ANKRD12: variants seen among roughly 807,000 people sequenced by gnomAD.
The protein encoded by ANKRD12 is ankyrin repeat domain-containing protein 12.
A neutral mutation model predicts 183.4 loss-of-function variants in ANKRD12; 85 were observed. The observed-to-expected ratio is 0.46, with a 90% confidence interval of 0.39 to 0.56. The LOEUF (loss-of-function observed/expected upper bound fraction) is 0.56. ANKRD12 is among the 20% of genes least tolerant of loss of function. ANKRD12 has a pLI of 0.00. For missense variants in ANKRD12, 2,405 were observed against 2,357.1 expected (o/e 1.02, Z -0.42); for synonymous variants, 914 against 800.2 (o/e 1.14, Z -2.40).
At chr18:9,183,944 T>C (rs1409578363) in intron 2 of ANKRD12, among the ~76,000 whole-genome samples, 1 of 152,204 alleles carries the variant, frequency 6.6e-6, no homozygotes, top group East Asian at 1.9e-4. Context: ...ATTTCTCTAA[T>C]TTTTTTAAAC....
chr18:9,222,050 T>C, intron 8 of ANKRD12, 51 bp downstream of exon 8: 1 of 1,591,032 alleles, frequency 6.3e-7, no homozygotes, highest in Non-Finnish European at 8.6e-7. Context: ...TGATATTTGA[T>C]AGAACATTCT....
chr18:9,275,722 C>A, intron 11 of ANKRD12, 55 bp downstream of exon 11: 1 of 1,421,332 alleles, frequency 7.0e-7, no homozygotes. Flanking sequence ...TGCAACTTGG[C>A]TATTTTTAGA....
intron 11 of ANKRD12, among the ~76,000 whole-genome samples, chr18:9,277,232 G>T (rs2039883734): frequency 6.6e-6 from 1 of 151,826 alleles, no homozygotes. Context: ...AAGGTGGGAG[G>T]ATCGATTAAG....
rs544293620 is a variant in ANKRD12, at chr18:9,176,919, C to T, written c.-51-5463C>T. Among the ~76,000 whole-genome samples the T allele has an allele frequency of 7.9e-5, 12 of 152,140 alleles. No individual in the cohort carries two copies. In the East Asian group the frequency reaches 2.3e-3, roughly 29 times the overall value. ...GCTGTAAATTAGAGTGGAAAACTGT[C>T]TTATAGCATACATTTAGAGAATGTT... On this transcript the variant is annotated intron_variant, in intron 1 of 12. Coordinates refer to ENST00000262126, the MANE Select transcript of ANKRD12 (RefSeq NM_015208.5).
chr18:9,184,715 G>T (rs1487006025), intron 2 of ANKRD12, among the ~76,000 whole-genome samples: 1 of 152,054 alleles, frequency 6.6e-6, no homozygotes, highest in Non-Finnish European at 1.5e-5. Flanking sequence ...GATATAATTC[G>T]CATGCCATAC....
intron 1 of ANKRD12, among the ~76,000 whole-genome samples, chr18:9,180,442 A>G (rs565629379): frequency 6.7e-4 from 101 of 151,872 alleles, no homozygotes; most frequent in African/African-American, 2.3e-3. Flanking sequence ...GTTTTATATT[A>G]TTATTAATAT....
At chr18:9,277,722 AGAC>A (rs2039921140) in intron 11 of ANKRD12, among the ~76,000 whole-genome samples, 2 of 132,256 alleles carry the variant, frequency 1.5e-5, no homozygotes, top group Non-Finnish European at 3.4e-5. Flanking sequence ...GGAAACTGTT[AGAC>A]AAAAACATTA....
chr18:9,165,038 C>T (rs1445298674), intron 1 of ANKRD12, among the ~76,000 whole-genome samples: 2 of 152,112 alleles, frequency 1.3e-5, no homozygotes, highest in Non-Finnish European at 2.9e-5. Context: ...GTCTAAGTCT[C>T]TTTGTAGGTC....
intron 4 of ANKRD12, among the ~76,000 whole-genome samples, chr18:9,207,689 A>ATT (rs1472872744): frequency 6.6e-6 from 1 of 152,044 alleles, no homozygotes; most frequent in Non-Finnish European, 1.5e-5. Context: ...ATTTTTGAAT[A>ATT]TTCTTTATTT....
At chr18:9,244,014 A>G (rs1474714914) in intron 8 of ANKRD12, among the ~76,000 whole-genome samples, 1 of 152,036 alleles carries the variant, frequency 6.6e-6, no homozygotes. Context: ...GGCTACTATA[A>G]TCTCAGCTAC....
At chr18:9,269,075 A>G (rs963834145) in intron 10 of ANKRD12, among the ~76,000 whole-genome samples, 75 of 152,316 alleles carry the variant, frequency 4.9e-4, no homozygotes, top group Non-Finnish European at 8.8e-4. Context: ...GATGTGAAGG[A>G]CCTCTTCAAG....
At chr18:9,274,234 A>G (rs573616302) in intron 10 of ANKRD12, among the ~76,000 whole-genome samples, 1 of 152,340 alleles carries the variant, frequency 6.6e-6, no homozygotes, top group African/African-American at 2.4e-5. Context: ...GCTCAAAATA[A>G]TGTTTATGCC....
At chr18:9,223,687 C>G (rs1002768280) in intron 8 of ANKRD12, among the ~76,000 whole-genome samples, 2 of 151,912 alleles carry the variant, frequency 1.3e-5, no homozygotes, top group Admixed American at 6.6e-5. Flanking sequence ...CACTAGATAA[C>G]ACTGTCAAAA....
intron 6 of ANKRD12, among the ~76,000 whole-genome samples, chr18:9,215,494 G>A (rs1310161478): frequency 2.0e-5 from 3 of 151,998 alleles, no homozygotes; most frequent in Non-Finnish European, 4.4e-5. Flanking sequence ...AATTGATTTC[G>A]ACACCAAAGG....
In ANKRD12 at chr18:9,157,585, G is replaced by GTGTATATATA. The variant is rs1472659778; in HGVS notation, c.-52+20621_-52+20622insGTATATATAT. ...TGTGTGTGTGTGTGTGTGTGTGTGT[G>GTGTATATATA]TATATATATATATATGTATTTTTTT... is the stretch of plus-strand genomic sequence containing the variant. On this transcript the variant is annotated intron_variant, in intron 1 of 12. Coordinates refer to ENST00000262126, the MANE Select transcript of ANKRD12 (RefSeq NM_015208.5). Among the ~76,000 whole-genome samples the GTGTATATATA allele has an allele frequency of 2.8e-3, 261 of 92,622 alleles. 2 individuals are homozygous for GTGTATATATA. Among genetic ancestry groups the GTGTATATATA allele is most frequent in the African/African-American group, 0.012 (220 of 19,004 alleles). 60.8% of individuals were successfully genotyped at this position (92,622 alleles called of 152,430 possible). A position where few individuals can be genotyped will look rare whatever the true frequency, so the allele number is the denominator to read the frequency against.
chr18:9,195,517 T>C (rs375874317), intron 2 of ANKRD12, 34 bp from the exon 3 acceptor site: 2 of 1,512,956 alleles, frequency 1.3e-6, no homozygotes, highest in Non-Finnish European at 1.8e-6. Context: ...TAGCTAATAT[T>C]GATATAACTT....
intron 1 of ANKRD12, among the ~76,000 whole-genome samples, chr18:9,167,689 C>G (rs1316405996): frequency 6.6e-6 from 1 of 152,144 alleles, no homozygotes; most frequent in African/African-American, 2.4e-5. Context: ...TTCCTCTTTT[C>G]CTAATTGAAT....
intron 1 of ANKRD12, among the ~76,000 whole-genome samples, chr18:9,169,837 G>A (rs997887188): frequency 9.9e-5 from 15 of 152,008 alleles, no homozygotes; most frequent in African/African-American, 3.6e-4. Flanking sequence ...GCATGTTTTT[G>A]CAGTGGCTGG....
At chr18:9,182,033 C>T (rs932833844) in intron 1 of ANKRD12, among the ~76,000 whole-genome samples, 1 of 152,156 alleles carries the variant, frequency 6.6e-6, no homozygotes, top group Non-Finnish European at 1.5e-5. Flanking sequence ...TCAGAAATGA[C>T]TTCCAAACCA....
Sources: allele counts gnomAD v4.1 joint callset (sites outside exome capture counted in the v4.1 genomes callset), GRCh38; gene constraint gnomAD v4.1.1; transcripts MANE v1.5; gene names NCBI Gene and HGNC (gene_info 2026-07-23, HGNC 2026-07-21).